Variants in LINGO2 observed in about 807,000 individuals in gnomAD.
The protein encoded by LINGO2 is leucine-rich repeat and immunoglobulin-like domain-containing nogo receptor-interacting protein 2.
A neutral mutation model predicts 30.6 loss-of-function variants in LINGO2; 14 were observed. The ratio of observed to expected loss-of-function variants is 0.46; its 90% CI spans 0.30 to 0.72. The LOEUF (loss-of-function observed/expected upper bound fraction) is 0.72. LINGO2 is among the 30% of genes least tolerant of loss of function. The pLI is 0.07. For synonymous variants in LINGO2, 317 were observed against 288.5 expected (o/e 1.10, Z -1.00); for missense variants, 729 against 751.7 (o/e 0.97, Z 0.35).
intron 4 of LINGO2, among the ~76,000 whole-genome samples, chr9:28,069,880 G>C (rs1825421725): frequency 6.6e-6 from 1 of 152,176 alleles, no homozygotes. Context: ...CTGCCAAATA[G>C]CCATGTGGAA....
the LINGO2 span, among the ~76,000 whole-genome samples, chr9:29,021,473 T>C: frequency 3.9e-5 from 6 of 152,030 alleles, no homozygotes; most frequent in East Asian, 5.8e-4. Flanking sequence ...CTGGCCAACA[T>C]AGTGAAACCC....
At chr9:28,372,991 G>A (rs1436349553) in intron 2 of LINGO2, 123 bp from the exon 5 acceptor site, 2 of 138,316 alleles carry the variant, frequency 1.4e-5, no homozygotes, top group Non-Finnish European at 3.1e-5. Context: ...TTGTTGACAG[G>A]AAAGAAGCAT....
intron 5 of LINGO2, among the ~76,000 whole-genome samples, chr9:28,005,590 A>C (rs1002385637): frequency 3.9e-5 from 6 of 152,108 alleles, no homozygotes; most frequent in African/African-American, 1.4e-4. Flanking sequence ...TTTCTTTTTA[A>C]GTTTAAAGAA....
At chr9:28,643,702 A>T (rs1020256528) in intron 1 of LINGO2, among the ~76,000 whole-genome samples, 6 of 152,138 alleles carry the variant, frequency 3.9e-5, no homozygotes, top group African/African-American at 1.4e-4. Flanking sequence ...ATTAAGTTAA[A>T]AAGCTTCTGC....
chr9:28,911,984 T>A, the LINGO2 span, among the ~76,000 whole-genome samples: 2 of 152,128 alleles, frequency 1.3e-5, no homozygotes, highest in Admixed American at 1.3e-4. Flanking sequence ...ATATATTAAA[T>A]AAATGTGTAT....
At chr9:28,433,945 C>CTATATATATATATATA (rs1305896597) in intron 2 of LINGO2, among the ~76,000 whole-genome samples, 66 of 57,248 alleles carry the variant, frequency 1.2e-3, no homozygotes, top group African/African-American at 2.6e-3. Flanking sequence ...CTCTCTCTCT[C>CTATATATATATATATA]TCTCTATATA....
intron 4 of LINGO2, among the ~76,000 whole-genome samples, chr9:28,082,056 C>T (rs557897486): frequency 9.2e-5 from 14 of 152,244 alleles, no homozygotes; most frequent in Middle Eastern, 6.8e-3. Context: ...TAGATGTGAT[C>T]CTTTATGCTT....
At chr9:28,063,988 T>C (rs1045339691) in intron 4 of LINGO2, among the ~76,000 whole-genome samples, 3 of 152,134 alleles carry the variant, frequency 2.0e-5, no homozygotes, top group Admixed American at 2.0e-4. Flanking sequence ...TCCTGGTTAT[T>C]AAATCCCAGT....
the LINGO2 span, among the ~76,000 whole-genome samples, chr9:28,774,489 T>C: frequency 6.6e-6 from 1 of 151,948 alleles, no homozygotes. Context: ...CACATATATA[T>C]ACACACACAC....
At chr9:28,309,450 G>T (rs1376805889) in intron 3 of LINGO2, among the ~76,000 whole-genome samples, 1 of 149,736 alleles carries the variant, frequency 6.7e-6, no homozygotes, top group African/African-American at 2.5e-5. Flanking sequence ...CGGGAGGGGG[G>T]AGGGATAGCA....
chr9:29,006,362 A>G, the LINGO2 span, among the ~76,000 whole-genome samples: 46 of 152,016 alleles, frequency 3.0e-4, no homozygotes, highest in Non-Finnish European at 1.5e-5. Flanking sequence ...AATTCTTGTT[A>G]TTATTTTCAA....
intron 1 of LINGO2, among the ~76,000 whole-genome samples, chr9:28,523,366 A>T (rs968619307): frequency 3.3e-5 from 5 of 152,152 alleles, no homozygotes; most frequent in Non-Finnish European, 5.9e-5. Flanking sequence ...TATCATACTT[A>T]ATGGTGAAAG....
chr9:28,165,274 G>C (rs1587120999), intron 4 of LINGO2, among the ~76,000 whole-genome samples: 1 of 152,132 alleles, frequency 6.6e-6, no homozygotes, highest in East Asian at 1.9e-4. Context: ...GTGTGCTTTG[G>C]TCTCTTTCAT....
intron 4 of LINGO2, among the ~76,000 whole-genome samples, chr9:28,256,052 T>C (rs1174061830): frequency 6.6e-6 from 1 of 152,060 alleles, no homozygotes; most frequent in Non-Finnish European, 1.5e-5. Context: ...ATGTTTCAGA[T>C]CTTTGATTAG....
chr9:28,961,999 C>G, the LINGO2 span, among the ~76,000 whole-genome samples: 3 of 152,090 alleles, frequency 2.0e-5, no homozygotes, highest in South Asian at 2.1e-4. Context: ...TTTCCAAGCT[C>G]TTATTTAATA....
chr9:28,070,068 C>A (rs1036943030), intron 4 of LINGO2, among the ~76,000 whole-genome samples: 5 of 152,138 alleles, frequency 3.3e-5, no homozygotes, highest in Non-Finnish European at 7.3e-5. Context: ...TGTCACACAG[C>A]GCTCTGACCA....
chr9:28,686,079 T>C, the LINGO2 span, among the ~76,000 whole-genome samples: 13 of 152,126 alleles, frequency 8.5e-5, no homozygotes, highest in East Asian at 2.5e-3. Context: ...AACAGCTTTA[T>C]TTTCTTTCTT....
intron 1 of LINGO2, among the ~76,000 whole-genome samples, chr9:28,525,320 T>C (rs2135411394): frequency 6.6e-6 from 1 of 152,268 alleles, no homozygotes; most frequent in East Asian, 1.9e-4. Context: ...ACCATAAACC[T>C]ACCCTATGAT....
At chr9:28,023,771 G>A (rs1823248082) in intron 4 of LINGO2, among the ~76,000 whole-genome samples, 1 of 152,008 alleles carries the variant, frequency 6.6e-6, no homozygotes, top group Admixed American at 6.6e-5. Flanking sequence ...ATCTTTCCTG[G>A]GTTTCTAACA....
Sources: gnomAD v4.1 joint callset for allele counts (sites outside exome capture counted in the v4.1 genomes callset) on GRCh38, gnomAD v4.1.1 for gene constraint, MANE v1.5 for transcripts, NCBI Gene and HGNC (gene_info 2026-07-23, HGNC 2026-07-21) for gene names.